Variants in ARHGAP24 observed in about 807,000 individuals in gnomAD.
ARHGAP24 encodes Rho GTPase activating protein 24.
A neutral mutation model predicts 76.4 loss-of-function variants in ARHGAP24; 50 were observed. That is an observed-to-expected ratio of 0.65 (90% CI 0.52 to 0.83). The LOEUF (loss-of-function observed/expected upper bound fraction) is 0.83, where lower values mean the gene tolerates loss of function less well. Ranked by LOEUF, ARHGAP24 falls within the 40% of genes least tolerant of loss-of-function variation. The pLI is 0.00. For missense variants in ARHGAP24, 930 were observed against 914.2 expected (o/e 1.02, Z -0.22); for synonymous variants, 345 against 323.3 (o/e 1.07, Z -0.72).
chr4:85,697,901 T>A (rs1414250931), intron 2 of ARHGAP24, among the ~76,000 whole-genome samples: 5 of 152,222 alleles, frequency 3.3e-5, no homozygotes, highest in Admixed American at 2.0e-4. Context: ...GGGCACCCAA[T>A]TTGAAAAAGC....
intron 1 of ARHGAP24, among the ~76,000 whole-genome samples, chr4:85,533,969 T>C (rs1380227995): frequency 2.0e-5 from 3 of 152,166 alleles, no homozygotes; most frequent in African/African-American, 4.8e-5. Context: ...CAGGATAACA[T>C]TGATCTTAGC....
intron 2 of ARHGAP24, among the ~76,000 whole-genome samples, chr4:85,706,560 GT>G (rs1002019905): frequency 9.6e-5 from 14 of 145,390 alleles, no homozygotes; most frequent in East Asian, 4.0e-4. Context: ...TGTTGTTTTT[GT>G]TTTTTTTTTT....
In ARHGAP24 at chr4:85,564,404, G is replaced by A. The variant is rs187662152; in HGVS notation, c.-20-6118G>A. 2.2e-3 allele frequency among the ~76,000 whole-genome samples: 313 copies of A among 142,396 alleles called. 4 individuals carry two copies. The highest frequency in any genetic ancestry group is 8.9e-3 in the African/African-American group (298 of 33,514). 93.4% of individuals were successfully genotyped at this position (142,396 alleles called of 152,430 possible). ...ACCGGGGCCTGTTGTGGGGTGGGGG[G>A]AGCGGGGGGGATAGCATTAGGAGAT... On this transcript the variant is annotated intron_variant, in intron 1 of 9. Coordinates refer to ENST00000395184, the MANE Select transcript of ARHGAP24 (RefSeq NM_001025616.3).
intron 1 of ARHGAP24, among the ~76,000 whole-genome samples, chr4:85,542,591 C>T (rs1725745359): frequency 6.6e-6 from 1 of 152,096 alleles, no homozygotes; most frequent in Admixed American, 6.5e-5. Context: ...ATAAAATGGT[C>T]TCCCTTAGGG....
At chr4:85,660,068 A>G (rs958601388) in intron 2 of ARHGAP24, among the ~76,000 whole-genome samples, 4 of 152,054 alleles carry the variant, frequency 2.6e-5, no homozygotes, top group African/African-American at 9.7e-5. Context: ...ATGTGGAAAA[A>G]ACGGCATGTG....
chr4:85,535,045 GA>G (rs1725413286), intron 1 of ARHGAP24, among the ~76,000 whole-genome samples: 1 of 151,860 alleles, frequency 6.6e-6, no homozygotes, highest in Non-Finnish European at 1.5e-5. Flanking sequence ...TGAAGTATAT[GA>G]AACATACATA....
chr4:85,883,533 G>C (rs1376782808), intron 3 of ARHGAP24, among the ~76,000 whole-genome samples: 6 of 152,184 alleles, frequency 3.9e-5, no homozygotes, highest in Non-Finnish European at 8.8e-5. Context: ...AGTTCTGCAT[G>C]TGCAGGGGGT....
Position 85,625,139 on chromosome 4 carries a change from T to C in ARHGAP24, c.180+54418T>C, listed in dbSNP as rs542406139. ...CTTTTGAATGTGTTTGCTCTTGCTT[T>C]TCTAGTTCTTTTAATTGTGATGTTA... On this transcript the variant is annotated intron_variant, in intron 2 of 9. Transcript: ENST00000395184. Among the ~76,000 whole-genome samples the C allele has an allele frequency of 6.7e-4, 102 of 152,224 alleles. 2 individuals carry two copies. Among genetic ancestry groups the C allele is most frequent in the Admixed American group, 6.4e-3 (98 of 15,282 alleles).
At chr4:85,599,947 G>A (rs1362470138) in intron 2 of ARHGAP24, among the ~76,000 whole-genome samples, 3 of 152,032 alleles carry the variant, frequency 2.0e-5, no homozygotes, top group Admixed American at 6.6e-5. Flanking sequence ...TTAGGATAAG[G>A]TATCATGGTT....
chr4:85,803,904 T>C (rs1051323703), intron 3 of ARHGAP24, among the ~76,000 whole-genome samples: 1 of 152,076 alleles, frequency 6.6e-6, no homozygotes, highest in African/African-American at 2.4e-5. Context: ...ATTGGAATTT[T>C]TATATTTTTT....
At chr4:85,665,654 G>A (rs200086975) in intron 2 of ARHGAP24, among the ~76,000 whole-genome samples, 19 of 152,138 alleles carry the variant, frequency 1.2e-4, no homozygotes, top group Admixed American at 3.3e-4. Flanking sequence ...GGCTGGTACC[G>A]GTTTTTCCTT....
At chr4:85,809,209 T>G (rs1050500317) in intron 3 of ARHGAP24, among the ~76,000 whole-genome samples, 2 of 152,206 alleles carry the variant, frequency 1.3e-5, no homozygotes. Context: ...TTGACATATA[T>G]CTAGCCACCA....
intron 3 of ARHGAP24, among the ~76,000 whole-genome samples, chr4:85,921,083 T>C (rs1735696236): frequency 6.6e-6 from 1 of 152,224 alleles, no homozygotes; most frequent in Admixed American, 6.5e-5. Flanking sequence ...CACACATATG[T>C]GCATTTCAAC....
chr4:85,908,700 A>C (rs1384978774), intron 3 of ARHGAP24, among the ~76,000 whole-genome samples: 3 of 152,128 alleles, frequency 2.0e-5, no homozygotes, highest in Admixed American at 1.3e-4. Context: ...TAGAACTCTG[A>C]ATAAGAGTTC....
At chr4:85,721,778 A>C in intron 2 of ARHGAP24, 107 bp from the exon 3 acceptor site, 2 of 928,932 alleles carry the variant, frequency 2.2e-6, no homozygotes, top group Non-Finnish European at 3.5e-6. Flanking sequence ...GATGCATCTT[A>C]CTGTATACTG....
intron 3 of ARHGAP24, among the ~76,000 whole-genome samples, chr4:85,773,361 G>A (rs1727198656): frequency 6.6e-6 from 1 of 152,100 alleles, no homozygotes; most frequent in African/African-American, 2.4e-5. Context: ...AAATTCCTGA[G>A]CCTGGCTTTT....
At position 85,961,551 on chromosome 4, in the gene ARHGAP24, G is replaced by A. The variant is rs80327412; in HGVS notation, c.600-10485G>A. ...TATGTGTTTTTTCATTGTTCATCCCGGAATTAGATAATCATAATTCTCTAA... is the reference window on the plus strand; with the variant it reads ...TATGTGTTTTTTCATTGTTCATCCCAGAATTAGATAATCATAATTCTCTAA... On this transcript the variant is annotated intron_variant, in intron 5 of 9. Coordinates refer to ENST00000395184, the MANE Select transcript of ARHGAP24 (RefSeq NM_001025616.3). Among the ~76,000 whole-genome samples, 1,173 of 151,968 alleles carry A rather than the reference G, an allele frequency of 7.7e-3. 23 individuals are homozygous for A. The highest frequency in any genetic ancestry group is 0.065 in the East Asian group (334 of 5,166).
chr4:85,720,692 G>T (rs1560600739), intron 2 of ARHGAP24, among the ~76,000 whole-genome samples: 1 of 152,166 alleles, frequency 6.6e-6, no homozygotes. Flanking sequence ...CAGAAGAGAA[G>T]AAATTATTGG....
At chr4:85,524,441 T>C (rs907798166) in intron 1 of ARHGAP24, among the ~76,000 whole-genome samples, 4 of 152,182 alleles carry the variant, frequency 2.6e-5, no homozygotes, top group African/African-American at 9.6e-5. Flanking sequence ...ATCACAGAAC[T>C]ATAGAGATAA....
Sources: gnomAD v4.1 joint callset for allele counts (sites outside exome capture counted in the v4.1 genomes callset) on GRCh38, gnomAD v4.1.1 for gene constraint, MANE v1.5 for transcripts, NCBI Gene and HGNC (gene_info 2026-07-23, HGNC 2026-07-21) for gene names.